Variants in AIG1 observed in about 807,000 individuals in gnomAD.
AIG1 encodes androgen induced 1.
AIG1 carries 23 observed loss-of-function variants against 31.4 expected under a neutral mutation model. That is an observed-to-expected ratio of 0.73 (90% CI 0.53 to 1.04). The LOEUF is 1.04. Among genes scored for constraint, AIG1 ranks in the 50% least tolerant of loss-of-function variants. The pLI is 0.00. For missense variants in AIG1, 274 were observed against 295.0 expected (o/e 0.93, Z 0.52); for synonymous variants, 100 against 110.5 (o/e 0.90, Z 0.60).
At chr6:143,173,032 CT>C (rs1445234369) in intron 3 of AIG1, among the ~76,000 whole-genome samples, 1 of 151,330 alleles carries the variant, frequency 6.6e-6, no homozygotes, top group Non-Finnish European at 1.5e-5. Context: ...TTTCATTTAT[CT>C]TTTGTATTTT....
chr6:143,233,797 T>C (rs1793623018), intron 3 of AIG1, among the ~76,000 whole-genome samples: 1 of 152,200 alleles, frequency 6.6e-6, no homozygotes, highest in Admixed American at 6.5e-5. Context: ...GTTCACTATG[T>C]GCAGAAAACT....
chr6:143,227,771 A>G (rs1425393540), intron 3 of AIG1, among the ~76,000 whole-genome samples: 1 of 152,140 alleles, frequency 6.6e-6, no homozygotes, highest in Non-Finnish European at 1.5e-5. Context: ...AGCATCTACT[A>G]TCAGGGTGCA....
At chr6:143,235,503 G>C (rs1793741790) in intron 3 of AIG1, among the ~76,000 whole-genome samples, 1 of 152,162 alleles carries the variant, frequency 6.6e-6, no homozygotes. Flanking sequence ...ATGAGAAGGG[G>C]AGTACATCAA....
chr6:143,178,121 C>G (rs1425881834), intron 3 of AIG1, among the ~76,000 whole-genome samples: 1 of 152,180 alleles, frequency 6.6e-6, no homozygotes, highest in East Asian at 1.9e-4. Context: ...TTGCCTCCCT[C>G]TTTTCCGTGG....
At chr6:143,083,954 T>C (rs1161279043) in intron 1 of AIG1, among the ~76,000 whole-genome samples, 3 of 152,174 alleles carry the variant, frequency 2.0e-5, no homozygotes, top group African/African-American at 7.2e-5. Flanking sequence ...CTTTCAGGCA[T>C]AATTAGAAAG....
chr6:143,299,572 T>C lies in AIG1; in HGVS notation c.515+15347T>C, dbSNP rs1457088983. 3 of 152,212 alleles carry C rather than the reference T, an allele frequency of 2.0e-5. No homozygotes were observed. The allele number at this position is 152,212 out of a possible 1,614,324, so 9.4% of individuals were successfully genotyped here. A position where few individuals can be genotyped will look rare whatever the true frequency, so the allele number is the denominator to read the frequency against. Reference sequence around the variant, plus strand: ...GGCTAAAGATGGAAGTTTGAAGTTATGAAATACCCATATGCTTAAAGAGAG... The same window carrying C: ...GGCTAAAGATGGAAGTTTGAAGTTACGAAATACCCATATGCTTAAAGAGAG... On this transcript the variant is annotated intron_variant, in intron 4 of 5. Transcript: ENST00000357847. This position sits in a 1 kb window ranked among gnomAD's most constrained non-coding sequence, Gnocchi z 4.1.
In AIG1 at chr6:143,099,522, CT is replaced by C. The variant is rs1780067152; in HGVS notation, c.142-37312del. On this transcript the variant is annotated intron_variant, in intron 1 of 5. Coordinates refer to ENST00000357847, the MANE Select transcript of AIG1 (RefSeq NM_016108.4). ...TTCCATATCATGTTATTTTCCCAGA[CT>C]GTAATTTTGCCTCCTGCCCTGAAGT... 2.0e-5 allele frequency: 3 copies of C among 152,170 alleles called. No homozygotes were observed. In the South Asian group the frequency reaches 6.2e-4, roughly 31 times the overall value. 9.4% of individuals were successfully genotyped at this position (152,170 alleles called of 1,614,324 possible). A position where few individuals can be genotyped will look rare whatever the true frequency, so the allele number is the denominator to read the frequency against.
At chr6:143,238,805 G>A (rs1417411982) in intron 3 of AIG1, among the ~76,000 whole-genome samples, 2 of 152,206 alleles carry the variant, frequency 1.3e-5, no homozygotes, top group Non-Finnish European at 2.9e-5. Flanking sequence ...AAAAGATTTT[G>A]TCCCTAAAAG....
chr6:143,341,349 G>T (rs1395887859), downstream of AIG1, among the ~76,000 whole-genome samples: 2 of 152,136 alleles, frequency 1.3e-5, no homozygotes, highest in African/African-American at 4.8e-5. Context: ...TTACCTGTCT[G>T]ACCTCTATTA....
At chr6:143,095,010 G>A (rs1220852430) in intron 1 of AIG1, among the ~76,000 whole-genome samples, 1 of 152,062 alleles carries the variant, frequency 6.6e-6, no homozygotes, top group African/African-American at 2.4e-5. Flanking sequence ...AATGAGGTTA[G>A]TTGCAAGACT....
At chr6:143,315,914 A>G (rs78033042) in intron 4 of AIG1, among the ~76,000 whole-genome samples, 2,476 of 152,148 alleles carry the variant, frequency 0.016, 32 homozygotes, top group Non-Finnish European at 0.025. Context: ...CAGATAGGGG[A>G]AAAAAAGAGG....
At chr6:143,079,772 T>C (rs1362521309) in intron 1 of AIG1, among the ~76,000 whole-genome samples, 4 of 147,946 alleles carry the variant, frequency 2.7e-5, no homozygotes, top group Non-Finnish European at 5.9e-5. Context: ...TTTCTTAGGA[T>C]AGATTCCTTT....
intron 3 of AIG1, among the ~76,000 whole-genome samples, chr6:143,252,588 AG>A (rs1795085036): frequency 6.6e-6 from 1 of 152,198 alleles, no homozygotes; most frequent in African/African-American, 2.4e-5. Context: ...AAACAACATT[AG>A]GGGCCCTGTT....
rs1219948689 is a variant in AIG1, at chr6:143,298,124, C to T, written c.515+13899C>T. On this transcript the variant is annotated intron_variant, in intron 4 of 5. Transcript: ENST00000357847. This position sits in a 1 kb window ranked among gnomAD's most constrained non-coding sequence, Gnocchi z 5.1. ...GGAGTCCTAGAGCCTGGGTTATGTA[C>T]GTTTTCTACCTCTGCTGGAAGACTG... Among the ~76,000 whole-genome samples, 3 of 151,498 alleles carry T rather than the reference C, an allele frequency of 2.0e-5. No homozygotes were observed. Among genetic ancestry groups the T allele is most frequent in the East Asian group, 1.9e-4 (1 of 5,194 alleles).
chr6:143,184,774 T>C (rs929764032), intron 3 of AIG1, among the ~76,000 whole-genome samples: 6 of 152,200 alleles, frequency 3.9e-5, no homozygotes, highest in African/African-American at 1.4e-4. Context: ...CTCCAGATCA[T>C]GGAGATAGCA....
chr6:143,188,395 G>A, intron 3 of AIG1: 1 of 985,492 alleles, frequency 1.0e-6, no homozygotes, highest in Non-Finnish European at 1.2e-6. Flanking sequence ...TGCTGGTGAA[G>A]TTGGCTGACA....
In AIG1 at chr6:143,155,553, G is replaced by T. The variant is rs1481802094; in HGVS notation, c.298-9529G>T. Among the ~76,000 whole-genome samples, 4 of 152,166 alleles carry T rather than the reference G, an allele frequency of 2.6e-5. No homozygotes were observed. The East Asian group carries it at 5.8e-4, about 22-fold the overall frequency. On this transcript the variant is annotated intron_variant, in intron 2 of 5. Transcript: ENST00000357847. ...CCGTGCAGGAATCAGAGTTAAGTAGGCCGGTGTTACAAGCACAGTGTTGTG... is the reference window on the plus strand; with the variant it reads ...CCGTGCAGGAATCAGAGTTAAGTAGTCCGGTGTTACAAGCACAGTGTTGTG...
intron 3 of AIG1, among the ~76,000 whole-genome samples, chr6:143,171,137 G>T (rs1787472451): frequency 6.6e-6 from 1 of 150,734 alleles, no homozygotes; most frequent in South Asian, 2.1e-4. Context: ...AACCAAAAAA[G>T]GTTCTCTCTG....
intron 3 of AIG1, among the ~76,000 whole-genome samples, chr6:143,241,533 A>G (rs1794241273): frequency 6.6e-6 from 1 of 152,208 alleles, no homozygotes; most frequent in African/African-American, 2.4e-5. Flanking sequence ...TCCTATCAAA[A>G]GCTTCACTTT....
Sources: gnomAD v4.1 joint callset for allele counts (sites outside exome capture counted in the v4.1 genomes callset) on GRCh38, gnomAD v4.1.1 for gene constraint, Gnocchi (gnomAD v3.1) non-coding constraint, MANE v1.5 for transcripts, NCBI Gene and HGNC (gene_info 2026-07-23, HGNC 2026-07-21) for gene names.